Variants in GRM8 observed in about 807,000 individuals in gnomAD.
GRM8 encodes glutamate metabotropic receptor 8.
A neutral mutation model predicts 87.2 loss-of-function variants in GRM8; 47 were observed. The ratio of observed to expected loss-of-function variants is 0.54; its 90% CI spans 0.43 to 0.69. The LOEUF is 0.69. Ranked by LOEUF, GRM8 falls within the 30% of genes least tolerant of loss-of-function variation. GRM8 has a pLI of 0.00. For missense variants in GRM8, 1,019 were observed against 1,139.2 expected, an observed-to-expected ratio of 0.89 and a Z score of 1.52; for synonymous variants, 396 against 404.5, an observed-to-expected ratio of 0.98 and a Z score of 0.25.
intron 7 of GRM8, among the ~76,000 whole-genome samples, chr7:126,699,952 A>G (rs554553331): frequency 6.6e-6 from 1 of 152,314 alleles, no homozygotes; most frequent in African/African-American, 2.4e-5. Flanking sequence ...TTTTCCAGTC[A>G]CTATAACATC....
intron 2 of GRM8, among the ~76,000 whole-genome samples, chr7:127,212,978 A>G (rs918934124): frequency 6.6e-6 from 1 of 152,216 alleles, no homozygotes; most frequent in African/African-American, 2.4e-5. Flanking sequence ...CTCTTCTTGT[A>G]CTAAGCTATT....
chr7:126,848,511 A>G (rs1203652316), intron 6 of GRM8, among the ~76,000 whole-genome samples: 4 of 152,164 alleles, frequency 2.6e-5, no homozygotes, highest in Non-Finnish European at 5.9e-5. Context: ...ACTTTTATTA[A>G]TGTGGCTGCT....
At chr7:126,788,409 C>CAAAAAA (rs67131936) in intron 6 of GRM8, among the ~76,000 whole-genome samples, 139 of 10,792 alleles carry the variant, frequency 0.013, 6 homozygotes, top group Non-Finnish European at 0.019. Context: ...GACTCCATCT[C>CAAAAAA]AAAAAAAAAA....
At chr7:126,687,015 A>T (rs1289301284) in intron 7 of GRM8, among the ~76,000 whole-genome samples, 1 of 152,250 alleles carries the variant, frequency 6.6e-6, no homozygotes, top group African/African-American at 2.4e-5. Flanking sequence ...TGCTTTTAAA[A>T]TATAAAATAC....
chr7:126,668,942 A>G (rs1806090238), intron 7 of GRM8, among the ~76,000 whole-genome samples: 1 of 152,204 alleles, frequency 6.6e-6, no homozygotes, highest in South Asian at 2.1e-4. Flanking sequence ...TGCAATAAAG[A>G]TAAAGAAAAT....
chr7:126,496,878 G>A (rs1213166270), intron 9 of GRM8, among the ~76,000 whole-genome samples: 1 of 151,522 alleles, frequency 6.6e-6, no homozygotes, highest in East Asian at 2.0e-4. Flanking sequence ...CCCCCCCACA[G>A]GTGAAATTTA....
chr7:127,135,793 T>C (rs1827918319), intron 2 of GRM8, among the ~76,000 whole-genome samples: 1 of 152,168 alleles, frequency 6.6e-6, no homozygotes, highest in Non-Finnish European at 1.5e-5. Context: ...ATTTTCTCCA[T>C]TTGGTTTGCT....
At chr7:126,945,030 C>T (rs1391175339) in intron 3 of GRM8, among the ~76,000 whole-genome samples, 1 of 151,890 alleles carries the variant, frequency 6.6e-6, no homozygotes, top group Non-Finnish European at 1.5e-5. Flanking sequence ...GAAGTTGGTA[C>T]CAATCTTTTG....
At chr7:127,049,240 C>G (rs990856140) in intron 3 of GRM8, among the ~76,000 whole-genome samples, 1 of 152,166 alleles carries the variant, frequency 6.6e-6, no homozygotes, top group South Asian at 2.1e-4. Flanking sequence ...CACACACACA[C>G]AGAGGAGCAA....
intron 2 of GRM8, among the ~76,000 whole-genome samples, chr7:127,113,943 C>T (rs1348635835): frequency 1.3e-5 from 2 of 152,144 alleles, no homozygotes; most frequent in African/African-American, 4.8e-5. Flanking sequence ...TCTCCCGACA[C>T]TGCCCTGAGC....
chr7:126,551,347 C>A (rs573395625), intron 8 of GRM8, among the ~76,000 whole-genome samples: 2 of 152,126 alleles, frequency 1.3e-5, no homozygotes, highest in Non-Finnish European at 2.9e-5. Context: ...ACTATTATTT[C>A]TCTCTTGTCA....
intron 7 of GRM8, among the ~76,000 whole-genome samples, chr7:126,691,792 A>T (rs1441601452): frequency 6.6e-6 from 1 of 152,144 alleles, no homozygotes; most frequent in Non-Finnish European, 1.5e-5. Flanking sequence ...TTAATTACAA[A>T]CGTAGCTGGC....
chr7:127,000,554 A>C (rs1280335202), intron 3 of GRM8, among the ~76,000 whole-genome samples: 1 of 151,666 alleles, frequency 6.6e-6, no homozygotes, highest in Non-Finnish European at 1.5e-5. Flanking sequence ...AATAAAAAAC[A>C]TTTTAAGAAC....
At chr7:127,231,104 C>T (rs567537182) in intron 2 of GRM8, among the ~76,000 whole-genome samples, 1 of 152,150 alleles carries the variant, frequency 6.6e-6, no homozygotes, top group African/African-American at 2.4e-5. Flanking sequence ...GTCGAACATG[C>T]GGCATATACC....
chr7:126,824,295 G>T (rs574980508), intron 6 of GRM8, among the ~76,000 whole-genome samples: 2 of 152,070 alleles, frequency 1.3e-5, no homozygotes, highest in Admixed American at 6.5e-5. Flanking sequence ...CCTTAGCATT[G>T]TGTCACAAAA....
rs141382667 is a variant in GRM8 at position 126,871,172 on chromosome 7, A to G, written c.1156+31370T>C. Among the ~76,000 whole-genome samples the G allele has an allele frequency of 6.5e-3, 992 of 152,310 alleles. 8 individuals are homozygous for G. The highest frequency in any genetic ancestry group is 0.011 in the Non-Finnish European group (729 of 68,010). The stretch of plus-strand genomic sequence containing the variant: ...GTGACACCAAGAGACACACAAGTCC[A>G]TGTTCACTCACTGGGTTTTAGAGGA... On this transcript the variant is annotated intron_variant, in intron 6 of 10. Transcript: ENST00000339582.
chr7:126,723,711 G>C (rs974337064), intron 7 of GRM8, among the ~76,000 whole-genome samples: 1 of 152,166 alleles, frequency 6.6e-6, no homozygotes, highest in African/African-American at 2.4e-5. Context: ...ATGATCTGTA[G>C]AGAACTTTGA....
chr7:126,457,076 C>T (rs1437761802), intron 9 of GRM8, among the ~76,000 whole-genome samples: 5 of 150,064 alleles, frequency 3.3e-5, no homozygotes, highest in South Asian at 4.2e-4. Context: ...TGTGTGTGTG[C>T]CTGTGTGTGT....
At chr7:127,115,665 T>C (rs1826658743) in intron 2 of GRM8, among the ~76,000 whole-genome samples, 1 of 152,190 alleles carries the variant, frequency 6.6e-6, no homozygotes, top group South Asian at 2.1e-4. Flanking sequence ...CTTTTTTTTT[T>C]ACATCTGCTA....
Sources: gnomAD v4.1 joint callset for allele counts (sites outside exome capture counted in the v4.1 genomes callset) on GRCh38, gnomAD v4.1.1 for gene constraint, MANE v1.5 for transcripts, NCBI Gene and HGNC (gene_info 2026-07-23, HGNC 2026-07-21) for gene names.